Variants in HDAC2 observed in about 807,000 individuals in gnomAD.
The protein encoded by HDAC2 is YY1-associated factor 1.
Under a neutral mutation model 68.5 loss-of-function variants are expected in HDAC2, and 5 were observed. The ratio of observed to expected loss-of-function variants is 0.07; its 90% CI spans 0.04 to 0.15. The LOEUF (loss-of-function observed/expected upper bound fraction) is 0.15. HDAC2 is among the 10% of genes least tolerant of loss of function. The pLI is 1.00. For synonymous variants in HDAC2, 182 were observed against 191.3 expected, an observed-to-expected ratio of 0.95 and a Z score of 0.40; for missense variants, 291 against 600.8, an observed-to-expected ratio of 0.48 and a Z score of 5.39.
At chr6:113,949,311 T>C (rs962441506) in intron 6 of HDAC2, 51 bp from the exon 7 acceptor site, 1 of 1,180,474 alleles carries the variant, frequency 8.5e-7, no homozygotes, top group African/African-American at 1.5e-5. Flanking sequence ...AATAAAAAGT[T>C]TGGCATTTGT....
intron 2 of HDAC2, 110 bp from the exon 3 acceptor site, chr6:113,958,876 C>T: frequency 4.1e-6 from 3 of 733,246 alleles, no homozygotes; most frequent in East Asian, 2.5e-5. Flanking sequence ...ACCAAGTCTA[C>T]CAGAACAAAA....
At chr6:113,958,849 T>C in intron 2 of HDAC2, 83 bp from the exon 3 acceptor site, 1 of 832,930 alleles carries the variant, frequency 1.2e-6, no homozygotes, top group Non-Finnish European at 2.0e-6. Context: ...AATTCCCCTA[T>C]CGGTCCCCTC....
chr6:113,959,834 G>C lies in HDAC2; in HGVS notation c.165+72C>G, dbSNP rs1776639630. The C allele has an allele frequency of 7.1e-6, 5 of 708,776 alleles. No homozygotes were observed. The South Asian group carries it at 7.1e-5, about 10-fold the overall frequency. 43.9% of individuals were successfully genotyped at this position (708,776 alleles called of 1,614,324 possible). ...AAATGCCCTCAAAAGGGGAATAATAGACAAAGTTTCACAGTAGCTAAAAAA... is the reference window on the plus strand; with the variant it reads ...AAATGCCCTCAAAAGGGGAATAATACACAAAGTTTCACAGTAGCTAAAAAA... On this transcript the variant is annotated intron_variant, in intron 2 of 13. Transcript: ENST00000519065.
intron 1 of HDAC2, among the ~76,000 whole-genome samples, chr6:113,968,128 T>C (rs560698101): frequency 2.6e-5 from 4 of 152,354 alleles, no homozygotes; most frequent in African/African-American, 4.8e-5. Flanking sequence ...AGAGGCTCCG[T>C]GTGCCTAACA....
intron 3 of HDAC2, chr6:113,956,923 A>C (rs575796043): frequency 2.3e-6 from 1 of 429,990 alleles, no homozygotes; most frequent in Admixed American, 3.7e-5. Flanking sequence ...TATCTGTGGA[A>C]TATTTCTGTC....
intron 1 of HDAC2, among the ~76,000 whole-genome samples, chr6:113,960,223 T>C (rs935282332): frequency 3.9e-5 from 6 of 152,054 alleles, no homozygotes; most frequent in African/African-American, 1.4e-4. Context: ...GAAGACTCCA[T>C]TATTACACAT....
chr6:113,969,728 T>C (rs1776928995), intron 1 of HDAC2: 1 of 152,230 alleles, frequency 6.6e-6, no homozygotes, highest in Admixed American at 6.5e-5. Context: ...TACTCCAAAT[T>C]ATAGAATGCT....
intron 11 of HDAC2, 78 bp from the exon 12 acceptor site, chr6:113,943,584 C>A: frequency 9.2e-7 from 1 of 1,085,370 alleles, no homozygotes; most frequent in Middle Eastern, 2.1e-4. Flanking sequence ...CATACAAATG[C>A]ACTAAGCAGT....
chr6:113,946,769 A>G (rs1013518656), intron 8 of HDAC2: 3 of 152,158 alleles, frequency 2.0e-5, no homozygotes, highest in African/African-American at 4.8e-5. Context: ...ATAAACATTT[A>G]TAAGTTTCCA....
chr6:113,943,719 A>G (rs1174503754), intron 11 of HDAC2, among the ~76,000 whole-genome samples: 3 of 152,204 alleles, frequency 2.0e-5, no homozygotes, highest in African/African-American at 7.2e-5. Flanking sequence ...AAAAACACAT[A>G]ATAAAAATTG....
At chr6:113,966,911 C>T (rs1776836678) in intron 1 of HDAC2, among the ~76,000 whole-genome samples, 1 of 152,162 alleles carries the variant, frequency 6.6e-6, no homozygotes, top group South Asian at 2.1e-4. Context: ...TTATGAACTG[C>T]TGCTATAATT....
intron 5 of HDAC2, among the ~76,000 whole-genome samples, chr6:113,955,471 A>G (rs935181010): frequency 1.3e-5 from 2 of 152,162 alleles, no homozygotes; most frequent in Non-Finnish European, 1.5e-5. Flanking sequence ...TCGTCCTCCC[A>G]AAGTGCTGGG....
chr6:113,965,807 C>T (rs1402345061), intron 1 of HDAC2, among the ~76,000 whole-genome samples: 5 of 152,148 alleles, frequency 3.3e-5, no homozygotes, highest in African/African-American at 9.7e-5. Context: ...GAACAAGTAA[C>T]AATAAGCAGA....
chr6:113,970,558 T>G (rs1776967007), intron 1 of HDAC2: 12 of 1,220,076 alleles, frequency 9.8e-6, no homozygotes, highest in African/African-American at 1.6e-5. Flanking sequence ...CAAGGCGGGG[T>G]AGGCCGGCGC....
chr6:113,950,980 T>C (rs1020587736), intron 6 of HDAC2, among the ~76,000 whole-genome samples: 5 of 152,284 alleles, frequency 3.3e-5, no homozygotes, highest in South Asian at 4.1e-4. Flanking sequence ...CATACAAATA[T>C]GGAAAAGCCA....
chr6:113,961,230 TCCTC>T (rs1776675175), intron 1 of HDAC2, among the ~76,000 whole-genome samples: 1 of 152,122 alleles, frequency 6.6e-6, no homozygotes, highest in African/African-American at 2.4e-5. Context: ...TCTTTCAAAG[TCCTC>T]CCTAAATACA....
intron 8 of HDAC2, chr6:113,947,116 G>A (rs896536753): frequency 7.2e-5 from 11 of 152,092 alleles, no homozygotes; most frequent in Admixed American, 5.2e-4. Context: ...TACTAGAAAA[G>A]TTTCTTTTAA....
intron 1 of HDAC2, among the ~76,000 whole-genome samples, chr6:113,961,518 A>G (rs1032534829): frequency 6.6e-6 from 1 of 152,188 alleles, no homozygotes; most frequent in African/African-American, 2.4e-5. Flanking sequence ...TATAGAGTTT[A>G]GCAAAGCAGG....
intron 1 of HDAC2, among the ~76,000 whole-genome samples, chr6:113,965,472 G>A (rs979015568): frequency 2.6e-5 from 4 of 151,856 alleles, no homozygotes; most frequent in East Asian, 3.9e-4. Flanking sequence ...GGGTTCAAGC[G>A]ATTCTCCTGC....
Sources: allele counts gnomAD v4.1 joint callset (sites outside exome capture counted in the v4.1 genomes callset), GRCh38; gene constraint gnomAD v4.1.1; transcripts MANE v1.5; gene names NCBI Gene and HGNC (gene_info 2026-07-23, HGNC 2026-07-21).